RRP15: variants seen among roughly 807,000 people sequenced by gnomAD.
The protein encoded by RRP15 is ribosomal RNA processing 15 homolog, also known as RRP15-like protein.
Under a neutral mutation model 27.1 loss-of-function variants are expected in RRP15, and 18 were observed. The observed-to-expected ratio is 0.66, with a 90% CI of 0.46 to 0.98. The LOEUF (loss-of-function observed/expected upper bound fraction) is 0.98, where lower values mean the gene tolerates loss of function less well. Ranked by LOEUF, RRP15 falls within the 50% of genes least tolerant of loss-of-function variation. The probability of loss-of-function intolerance (pLI) is 0.00; values close to 1 mark genes in which losing one functional copy is unlikely to be tolerated. For missense variants in RRP15, 359 were observed against 337.8 expected, an observed-to-expected ratio of 1.06 and a Z score of -0.49; for synonymous variants, 107 against 109.4, an observed-to-expected ratio of 0.98 and a Z score of 0.14.
intron 1 of RRP15, among the ~76,000 whole-genome samples, chr1:218,300,357 G>C (rs934641469): frequency 6.6e-6 from 1 of 151,898 alleles, no homozygotes; most frequent in African/African-American, 2.4e-5. Context: ...TTTTTATATA[G>C]GCATGTTTTT....
At chr1:218,286,240 A>G (rs1410963008) in intron 1 of RRP15, among the ~76,000 whole-genome samples, 6 of 152,172 alleles carry the variant, frequency 3.9e-5, no homozygotes. Flanking sequence ...CTCAGTATAT[A>G]ATATCCAAAA....
At chr1:218,292,433 A>C (rs1429475116) in intron 1 of RRP15, among the ~76,000 whole-genome samples, 2 of 152,202 alleles carry the variant, frequency 1.3e-5, no homozygotes, top group African/African-American at 2.4e-5. Flanking sequence ...AAATGGAAAA[A>C]ATGTGGCACT....
intron 4 of RRP15, among the ~76,000 whole-genome samples, chr1:218,310,486 A>G (rs1168699327): frequency 6.6e-6 from 1 of 152,198 alleles, no homozygotes; most frequent in Non-Finnish European, 1.5e-5. Flanking sequence ...CAGGAGTTTT[A>G]TATTAAATAT....
rs374030543 is a variant in RRP15, at chr1:218,323,079, A to T, written c.706-7869A>T. Among the ~76,000 whole-genome samples the T allele has an allele frequency of 1.1e-4, 17 of 152,256 alleles. No homozygotes were observed. In the East Asian group the frequency reaches 2.5e-3, roughly 23 times the overall value. ...GTCGTGGCGTTCTGGAAGCTTGGAG[A>T]TGCCAGTAACTGCAGAGCCCTAAAG... On this transcript the variant is annotated intron_variant, in intron 4 of 4. Coordinates refer to ENST00000366932, the MANE Select transcript of RRP15 (RefSeq NM_016052.4).
intron 1 of RRP15, among the ~76,000 whole-genome samples, chr1:218,298,374 T>C (rs1006457550): frequency 6.6e-6 from 1 of 152,216 alleles, no homozygotes; most frequent in Non-Finnish European, 1.5e-5. Flanking sequence ...AATTTGGCTA[T>C]GTAATTTATT....
At chr1:218,329,739 CA>C (rs1185742576) in intron 4 of RRP15, among the ~76,000 whole-genome samples, 1 of 152,030 alleles carries the variant, frequency 6.6e-6, no homozygotes, top group Non-Finnish European at 1.5e-5. Flanking sequence ...TATATTTAAG[CA>C]CAAGCTCTGC....
chr1:218,311,662 C>T (rs1394204780), intron 4 of RRP15, among the ~76,000 whole-genome samples: 1 of 152,204 alleles, frequency 6.6e-6, no homozygotes, highest in Admixed American at 6.5e-5. Flanking sequence ...ATTTGCCTCT[C>T]GCCTCTCTCC....
chr1:218,322,937 C>G (rs926348163), intron 4 of RRP15, among the ~76,000 whole-genome samples: 2 of 152,194 alleles, frequency 1.3e-5, no homozygotes, highest in Admixed American at 1.3e-4. Context: ...CACAGCCAGG[C>G]ATGCCAGCTG....
At chr1:218,320,374 T>C (rs939975816) in intron 4 of RRP15, among the ~76,000 whole-genome samples, 5 of 152,158 alleles carry the variant, frequency 3.3e-5, no homozygotes, top group African/African-American at 1.2e-4. Flanking sequence ...TCCATGTCCC[T>C]ACAAAGGACA....
At chr1:218,295,182 A>G (rs1212949242) in intron 1 of RRP15, among the ~76,000 whole-genome samples, 1 of 152,206 alleles carries the variant, frequency 6.6e-6, no homozygotes, top group African/African-American at 2.4e-5. Flanking sequence ...ACAGTGGTTG[A>G]TGATATCAAG....
At chr1:218,289,783 A>G (rs567072520) in intron 1 of RRP15, among the ~76,000 whole-genome samples, 1 of 152,162 alleles carries the variant, frequency 6.6e-6, no homozygotes, top group Non-Finnish European at 1.5e-5. Context: ...CCAGGGTTCA[A>G]GTGATTCTTC....
chr1:218,287,834 A>G (rs1655574209), intron 1 of RRP15, among the ~76,000 whole-genome samples: 1 of 152,200 alleles, frequency 6.6e-6, no homozygotes. Flanking sequence ...TGCATACTTT[A>G]GTATTCAGTA....
intron 4 of RRP15, among the ~76,000 whole-genome samples, chr1:218,325,631 A>G (rs1275424268): frequency 1.3e-5 from 2 of 152,110 alleles, no homozygotes; most frequent in Non-Finnish European, 2.9e-5. Flanking sequence ...TTTTCCTGGA[A>G]GCTTATGGGA....
Position 218,321,684 on chromosome 1 carries a change from A to G in RRP15, c.706-9264A>G, listed in dbSNP as rs140614323. 1.5e-3 allele frequency among the ~76,000 whole-genome samples: 227 copies of G among 152,304 alleles called. 1 individual carries two copies. Among genetic ancestry groups the G allele is most frequent in the African/African-American group, 5.1e-3 (212 of 41,586 alleles). On this transcript the variant is annotated intron_variant, in intron 4 of 4. Coordinates refer to ENST00000366932, the MANE Select transcript of RRP15 (RefSeq NM_016052.4). ...CTCTTTTTATTCCTTTTATAAAAAG[A>G]ATATACCAAATTGCTACTTCTCTTT...
At chr1:218,315,025 C>T (rs1656065762) in intron 4 of RRP15, among the ~76,000 whole-genome samples, 1 of 150,544 alleles carries the variant, frequency 6.6e-6, no homozygotes, top group South Asian at 2.1e-4. Context: ...AAAGTGATTT[C>T]CTTAGTGATT....
At chr1:218,286,828 A>C (rs1655555747) in intron 1 of RRP15, among the ~76,000 whole-genome samples, 1 of 152,232 alleles carries the variant, frequency 6.6e-6, no homozygotes, top group Non-Finnish European at 1.5e-5. Context: ...GTTGGGCCAA[A>C]ATTAGAACTT....
At chr1:218,288,546 T>C (rs1475957894) in intron 1 of RRP15, among the ~76,000 whole-genome samples, 2 of 152,200 alleles carry the variant, frequency 1.3e-5, no homozygotes, top group Non-Finnish European at 2.9e-5. Flanking sequence ...GGCTTATAAC[T>C]TGCCCACTTC....
intron 4 of RRP15, among the ~76,000 whole-genome samples, chr1:218,319,065 CTT>C (rs546270156): frequency 6.9e-6 from 1 of 145,254 alleles, no homozygotes. Context: ...TTTCTTTTGT[CTT>C]TTTTTTTTTG....
chr1:218,294,534 A>G (rs1232048260), intron 1 of RRP15, among the ~76,000 whole-genome samples: 1 of 152,200 alleles, frequency 6.6e-6, no homozygotes, highest in Non-Finnish European at 1.5e-5. Context: ...ACAGATGAAC[A>G]GATGCATAGG....
Sources: allele counts gnomAD v4.1 joint callset (sites outside exome capture counted in the v4.1 genomes callset), GRCh38; gene constraint gnomAD v4.1.1; transcripts MANE v1.5; gene names NCBI Gene and HGNC (gene_info 2026-07-23, HGNC 2026-07-21).